Variants in DCLRE1C observed in about 807,000 individuals in gnomAD.
The protein encoded by DCLRE1C is protein artemis.
DCLRE1C carries 47 observed loss-of-function variants against 61.4 expected under a neutral mutation model. That is an observed-to-expected ratio of 0.77 (90% CI 0.61 to 0.98). The LOEUF is 0.98. Among genes scored for constraint, DCLRE1C ranks in the 50% least tolerant of loss-of-function variants. DCLRE1C has a pLI of 0.00. For missense variants in DCLRE1C, 858 were observed against 816.0 expected (o/e 1.05, Z -0.63); for synonymous variants, 337 against 287.6 (o/e 1.17, Z -1.74).
intron 8 of DCLRE1C, 62 bp downstream of exon 8, chr10:14,934,318 A>G: frequency 2.0e-6 from 3 of 1,534,282 alleles, no homozygotes; most frequent in Non-Finnish European, 2.7e-6. Context: ...ACATAGCAAG[A>G]CTCCCTCTCA....
Position 14,907,122 on chromosome 10 carries a change from T to C in DCLRE1C, c.*1286A>G, listed in dbSNP as rs1272894052. 6.6e-6 allele frequency among the ~76,000 whole-genome samples: 1 copy of C among 152,030 alleles called. No homozygotes were observed. Among genetic ancestry groups the C allele is most frequent in the Non-Finnish European group, 1.5e-5 (1 of 68,018 alleles). On this transcript the variant is annotated 3_prime_UTR_variant, in exon 14 of 14. Coordinates refer to ENST00000378278, the MANE Select transcript of DCLRE1C (RefSeq NM_001033855.3). ...AAGCGAGCCTCCCAAAGTACTGGGA[T>C]TGCAGGCAGGAGTTACTGTGCCTGG...
chr10:14,934,557 G>A (rs1451990086), intron 7 of DCLRE1C, 37 bp from the exon 8 acceptor site: 3 of 1,614,016 alleles, frequency 1.9e-6, no homozygotes, highest in East Asian at 2.2e-5. Flanking sequence ...AACAGGTGGA[G>A]AGCCGCACAT....
rs753874453 is a variant in DCLRE1C, at chr10:14,939,907, T to C, written c.247-38A>G. The C allele has an allele frequency of 8.7e-6, 13 of 1,489,584 alleles. No individual in the cohort carries two copies. In the African/African-American group the frequency reaches 1.7e-4, roughly 19 times the overall value. 92.3% of individuals were successfully genotyped at this position (1,489,584 alleles called of 1,614,324 possible). On this transcript the variant is annotated intron_variant, in intron 3 of 13. Transcript: ENST00000378278. ...AATAAGAGACCATGTATATAGCAGT[T>C]TTTCATGGCTTTATATGCCTTTGCT...
chr10:14,917,280 C>G (rs938554829), intron 13 of DCLRE1C, among the ~76,000 whole-genome samples: 2 of 151,860 alleles, frequency 1.3e-5, no homozygotes, highest in Admixed American at 1.3e-4. Flanking sequence ...AATGTAAAAC[C>G]TAAAATTGTA....
At chr10:14,950,166 C>T (rs749553580) in intron 1 of DCLRE1C, among the ~76,000 whole-genome samples, 1 of 151,916 alleles carries the variant, frequency 6.6e-6, no homozygotes, top group Non-Finnish European at 1.5e-5. Context: ...TACGGAGATA[C>T]CCTGTCTCCA....
At chr10:14,918,051 A>G (rs762188483) in intron 13 of DCLRE1C, among the ~76,000 whole-genome samples, 5 of 152,192 alleles carry the variant, frequency 3.3e-5, no homozygotes, top group Non-Finnish European at 7.3e-5. Context: ...GAACTCTCAT[A>G]CACTTCTCCT....
At chr10:14,946,095 G>A (rs887076878) in intron 2 of DCLRE1C, among the ~76,000 whole-genome samples, 13 of 149,576 alleles carry the variant, frequency 8.7e-5, no homozygotes, top group African/African-American at 2.7e-4. Context: ...GCAACCTTCC[G>A]CCTCCCGGGT....
chr10:14,930,644 A>G (rs1468034010), intron 9 of DCLRE1C, among the ~76,000 whole-genome samples: 1 of 151,982 alleles, frequency 6.6e-6, no homozygotes, highest in African/African-American at 2.4e-5. Flanking sequence ...CACTGAGCAG[A>G]CTGGTTTCGA....
intron 4 of DCLRE1C, among the ~76,000 whole-genome samples, chr10:14,938,340 C>T (rs1840317046): frequency 6.8e-6 from 1 of 147,674 alleles, no homozygotes; most frequent in Non-Finnish European, 1.5e-5. Flanking sequence ...TACAAAGGTT[C>T]ACCTATTTTT....
intron 13 of DCLRE1C, among the ~76,000 whole-genome samples, chr10:14,918,382 A>G (rs905387235): frequency 1.3e-5 from 2 of 152,234 alleles, no homozygotes; most frequent in Non-Finnish European, 2.9e-5. Context: ...GACGTACTAT[A>G]TGATTCTATT....
Position 14,945,205 on chromosome 10 carries a change from A to G in DCLRE1C, c.162-16T>C, listed in dbSNP as rs747563324. On this transcript the variant is annotated splice_polypyrimidine_tract_variant and intron_variant, in intron 2 of 13. Transcript: ENST00000378278. ...AACCTTCAAGCTGAAAGGAAAAAAG[A>G]AAAAAACTTTCAGTACAATCCAAAA... The G allele has an allele frequency of 1.2e-6, 2 of 1,607,230 alleles. No homozygotes were observed. Among genetic ancestry groups the G allele is most frequent in the South Asian group, 1.1e-5 (1 of 90,140 alleles).
chr10:14,898,090 G>A (rs200577020), exon 14 of DCLRE1C: 1 of 146,388 alleles, frequency 6.8e-6, no homozygotes, highest in Admixed American at 6.9e-5. Flanking sequence ...TCATATATAT[G>A]TATATATATA....
At chr10:14,917,506 A>T (rs1456131070) in intron 13 of DCLRE1C, among the ~76,000 whole-genome samples, 1 of 152,046 alleles carries the variant, frequency 6.6e-6, no homozygotes, top group Non-Finnish European at 1.5e-5. Flanking sequence ...AAACAAAAAA[A>T]ACTTGTATCC....
At chr10:14,937,089 G>A (rs1031892936) in intron 4 of DCLRE1C, among the ~76,000 whole-genome samples, 5 of 152,228 alleles carry the variant, frequency 3.3e-5, no homozygotes, top group South Asian at 2.1e-4. Context: ...TGAAATATCC[G>A]GAATAGGTGA....
intron 3 of DCLRE1C, among the ~76,000 whole-genome samples, chr10:14,942,999 G>T (rs1444934524): frequency 6.6e-6 from 1 of 152,142 alleles, no homozygotes; most frequent in Non-Finnish European, 1.5e-5. Context: ...GGTGGTTCAG[G>T]CCTGTAATCC....
At chr10:14,924,200 GCTCT>G (rs904964416) in intron 11 of DCLRE1C, among the ~76,000 whole-genome samples, 1 of 152,198 alleles carries the variant, frequency 6.6e-6, no homozygotes, top group Admixed American at 6.5e-5. Flanking sequence ...ACTCGCGTGC[GCTCT>G]CTCTCAATAA....
downstream of DCLRE1C, chr10:14,899,719 A>G: frequency 4.3e-6 from 7 of 1,609,936 alleles, no homozygotes; most frequent in Non-Finnish European, 5.9e-6. Context: ...AGACACGACT[A>G]ACAATTCAAC....
At chr10:14,918,088 TG>T (rs144197003) in intron 13 of DCLRE1C, among the ~76,000 whole-genome samples, 6,078 of 152,282 alleles carry the variant, frequency 0.04, 155 homozygotes, top group South Asian at 0.14. Flanking sequence ...CAAACCACTT[TG>T]GAAAACATTT....
intron 1 of DCLRE1C, among the ~76,000 whole-genome samples, chr10:14,950,433 C>CCA (rs1309191827): frequency 8.0e-5 from 12 of 150,928 alleles, no homozygotes; most frequent in South Asian, 2.1e-4. Flanking sequence ...ACGAGCACCA[C>CCA]CACACACACA....
Sources: gnomAD v4.1 joint callset for allele counts (sites outside exome capture counted in the v4.1 genomes callset) on GRCh38, gnomAD v4.1.1 for gene constraint, MANE v1.5 for transcripts, NCBI Gene and HGNC (gene_info 2026-07-23, HGNC 2026-07-21) for gene names.